MNAT1: variants seen among roughly 807,000 people sequenced by gnomAD.
MNAT1 encodes CDK-activating kinase assembly factor MAT1.
Under a neutral mutation model 42.0 loss-of-function variants are expected in MNAT1, and 43 were observed. The ratio of observed to expected loss-of-function variants is 1.02; its 90% CI spans 0.80 to 1.32. The LOEUF is 1.32. Ranked by LOEUF, MNAT1 falls within the 40% of genes most tolerant of loss-of-function variation. The pLI is 0.00. For synonymous variants in MNAT1, 118 were observed against 120.0 expected (o/e 0.98, Z 0.11); for missense variants, 306 against 350.4 (o/e 0.87, Z 1.01).
At chr14:60,842,102 A>G (rs1223468723) in intron 6 of MNAT1, among the ~76,000 whole-genome samples, 1 of 152,246 alleles carries the variant, frequency 6.6e-6, no homozygotes, top group Non-Finnish European at 1.5e-5. Flanking sequence ...CCCACCTGCT[A>G]CTTGTTACTG....
At chr14:60,846,321 G>T (rs2033681914) in intron 6 of MNAT1, among the ~76,000 whole-genome samples, 1 of 151,240 alleles carries the variant, frequency 6.6e-6, no homozygotes, top group Admixed American at 6.6e-5. Context: ...TTTTCCCTTG[G>T]CACATCAACC....
At chr14:60,846,905 T>C (rs1324595843) in intron 6 of MNAT1, among the ~76,000 whole-genome samples, 1 of 152,236 alleles carries the variant, frequency 6.6e-6, no homozygotes, top group Non-Finnish European at 1.5e-5. Flanking sequence ...ATTTTCTGTC[T>C]AGTTTGTCTA....
intron 7 of MNAT1, among the ~76,000 whole-genome samples, chr14:60,907,247 A>G (rs1208793098): frequency 6.6e-6 from 1 of 151,750 alleles, no homozygotes; most frequent in Non-Finnish European, 1.5e-5. Context: ...AGCCTGGCCA[A>G]CATAGTGAAA....
intron 1 of MNAT1, among the ~76,000 whole-genome samples, chr14:60,752,473 T>A (rs1267363811): frequency 6.6e-6 from 1 of 152,150 alleles, no homozygotes; most frequent in African/African-American, 2.4e-5. Flanking sequence ...AAGAAAAAAA[T>A]TATACATAAT....
chr14:60,957,286 A>C (rs964694117), intron 7 of MNAT1, among the ~76,000 whole-genome samples: 1 of 152,206 alleles, frequency 6.6e-6, no homozygotes, highest in Non-Finnish European at 1.5e-5. Flanking sequence ...TCATCCTGCT[A>C]ATAAAGATAT....
chr14:60,897,321 T>A (rs2034977437), intron 7 of MNAT1, among the ~76,000 whole-genome samples: 1 of 152,092 alleles, frequency 6.6e-6, no homozygotes, highest in African/African-American at 2.4e-5. Context: ...CTAGTTTATA[T>A]TTATGTAAAT....
Position 60,819,813 on chromosome 14 carries a change from CT to C in MNAT1, c.687+973del, listed in dbSNP as rs369824160. On this transcript the variant is annotated intron_variant, in intron 6 of 7. Transcript: ENST00000261245. ...AAATTACTTTGCCTTTCCAATAAGCCTTTTTTTCCCATCTGTGGAACGGTGA... is the reference window on the plus strand; with the variant it reads ...AAATTACTTTGCCTTTCCAATAAGCCTTTTTTCCCATCTGTGGAACGGTGA... Among the ~76,000 whole-genome samples the C allele has an allele frequency of 3.6e-3, 542 of 152,136 alleles. 5 individuals are homozygous for C. Among genetic ancestry groups the C allele is most frequent in the African/African-American group, 0.012 (499 of 41,512 alleles).
intron 1 of MNAT1, among the ~76,000 whole-genome samples, chr14:60,770,491 T>C (rs1160282649): frequency 1.3e-5 from 2 of 152,188 alleles, no homozygotes; most frequent in South Asian, 4.1e-4. Flanking sequence ...TTTTTAGGAA[T>C]CTTTACACTG....
intron 6 of MNAT1, among the ~76,000 whole-genome samples, chr14:60,873,552 T>C (rs908990806): frequency 3.9e-5 from 6 of 152,106 alleles, no homozygotes; most frequent in African/African-American, 1.4e-4. Flanking sequence ...CACTGCAGCC[T>C]TGATCTCCTG....
intron 7 of MNAT1, among the ~76,000 whole-genome samples, chr14:60,926,020 T>A (rs998715048): frequency 6.6e-5 from 10 of 152,274 alleles, no homozygotes; most frequent in African/African-American, 1.9e-4. Context: ...TTGATGGAAA[T>A]TCAGTCATGA....
In MNAT1 at chr14:60,870,468, G is replaced by A. The variant is rs4151282; in HGVS notation, c.688-9246G>A. Among the ~76,000 whole-genome samples the A allele has an allele frequency of 7.6e-3, 1,162 of 152,104 alleles. 11 individuals carry two copies. The highest frequency in any genetic ancestry group is 8.2e-3 in the African/African-American group (339 of 41,506). ...ACAGAAAGGGCTTTAGTTTTGTGCC[G>A]TACTTTTCAAAGTCAGGAAAATGTA... On this transcript the variant is annotated intron_variant, in intron 6 of 7. Coordinates refer to ENST00000261245, the MANE Select transcript of MNAT1 (RefSeq NM_002431.4).
intron 1 of MNAT1, among the ~76,000 whole-genome samples, chr14:60,790,160 G>C (rs2031773197): frequency 6.6e-6 from 1 of 152,062 alleles, no homozygotes; most frequent in South Asian, 2.1e-4. Context: ...TATTTTCATA[G>C]GTCATTGTAA....
At chr14:60,920,719 A>G (rs182412034) in intron 7 of MNAT1, among the ~76,000 whole-genome samples, 2 of 152,326 alleles carry the variant, frequency 1.3e-5, no homozygotes, top group Admixed American at 1.3e-4. Context: ...CTGGAATTAC[A>G]GGCATTGAGC....
intron 7 of MNAT1, among the ~76,000 whole-genome samples, chr14:60,940,075 C>G (rs1206665749): frequency 1.3e-5 from 2 of 151,848 alleles, no homozygotes; most frequent in Admixed American, 1.3e-4. Flanking sequence ...TTTTGTTTTC[C>G]ATTTGTTTGG....
intron 6 of MNAT1, among the ~76,000 whole-genome samples, chr14:60,842,339 C>T (rs909695130): frequency 1.3e-5 from 2 of 152,122 alleles, no homozygotes; most frequent in African/African-American, 4.8e-5. Flanking sequence ...ATTATAGCTG[C>T]CCTGGGATCC....
chr14:60,822,906 G>A (rs959161175), intron 6 of MNAT1, among the ~76,000 whole-genome samples: 2 of 151,976 alleles, frequency 1.3e-5, no homozygotes, highest in African/African-American at 4.8e-5. Flanking sequence ...ACAGGTGTGT[G>A]CCACCACACC....
At chr14:60,856,164 G>C (rs1403426114) in intron 6 of MNAT1, among the ~76,000 whole-genome samples, 1 of 152,178 alleles carries the variant, frequency 6.6e-6, no homozygotes, top group African/African-American at 2.4e-5. Context: ...GACAAATTGT[G>C]AATGCAAAGG....
At position 60,887,177 on chromosome 14, in the gene MNAT1, TG is replaced by T. The variant is rs2034695066; in HGVS notation, c.809+7343del. Among the ~76,000 whole-genome samples the T allele has an allele frequency of 3.3e-5, 5 of 151,542 alleles. No homozygotes were observed. In the South Asian group the frequency reaches 1.0e-3, roughly 32 times the overall value. On this transcript the variant is annotated intron_variant, in intron 7 of 7. Transcript: ENST00000261245. ...GTATAACATTGATTTGCATTTTTTT[TG>T]TTGTTGTTGTTACATATCAGAGCTG...
chr14:60,954,327 T>A (rs1419099795), intron 7 of MNAT1, among the ~76,000 whole-genome samples: 1 of 152,196 alleles, frequency 6.6e-6, no homozygotes, highest in Non-Finnish European at 1.5e-5. Context: ...TTATGGACAT[T>A]TTATCAATGT....
Sources: gnomAD v4.1 joint callset for allele counts (sites outside exome capture counted in the v4.1 genomes callset) on GRCh38, gnomAD v4.1.1 for gene constraint, MANE v1.5 for transcripts, NCBI Gene and HGNC (gene_info 2026-07-23, HGNC 2026-07-21) for gene names.